TP73: variants seen among roughly 807,000 people sequenced by gnomAD.
The protein encoded by TP73 is p53-like transcription factor.
In TP73, 25 loss-of-function variants were observed where a neutral mutation model predicts 62.5. The ratio of observed to expected loss-of-function variants is 0.40; its 90% CI spans 0.29 to 0.56. TP73 has a LOEUF of 0.56. TP73 is among the 20% of genes least tolerant of loss of function. TP73 has a pLI of 0.46. For missense variants in TP73, 754 were observed against 913.3 expected, an observed-to-expected ratio of 0.83 and a Z score of 2.25; for synonymous variants, 423 against 377.5, an observed-to-expected ratio of 1.12 and a Z score of -1.40.
rs572224545 is a variant in TP73, at chr1:3,716,216, C to T, written c.430-5805C>T. Reference sequence around the variant, plus strand: ...TGCCTCTGGTTCATCCTCCATAGAGCTCCTGGCCTGGGAGCCCCGGCTGGC... The same window carrying T: ...TGCCTCTGGTTCATCCTCCATAGAGTTCCTGGCCTGGGAGCCCCGGCTGGC... On this transcript the variant is annotated intron_variant, in intron 4 of 13. Coordinates refer to ENST00000378295, the MANE Select transcript of TP73 (RefSeq NM_005427.4). Among the ~76,000 whole-genome samples the T allele has an allele frequency of 3.9e-5, 6 of 152,356 alleles. No individual in the cohort carries two copies. In the South Asian group the frequency reaches 1.2e-3, roughly 32 times the overall value.
chr1:3,691,078 G>A, intron 3 of TP73: 1 of 1,336,890 alleles, frequency 7.5e-7, no homozygotes, highest in East Asian at 2.5e-5. Flanking sequence ...GGTGAGCAGA[G>A]GTAGGAAGGG....
chr1:3,701,661 C>T lies in TP73; in HGVS notation c.187-5888C>T, dbSNP rs747451903. On this transcript the variant is annotated intron_variant, in intron 3 of 13. Coordinates refer to ENST00000378295, the MANE Select transcript of TP73 (RefSeq NM_005427.4). The surrounding 1 kb of genome is among the most constrained non-coding windows in gnomAD (Gnocchi z 4.7). ...CTGGGATTACAGGTGCCCACCACCACGCCCAGCTAATTTTTTTTTGTAGTT... is the reference window on the plus strand; with the variant it reads ...CTGGGATTACAGGTGCCCACCACCATGCCCAGCTAATTTTTTTTTGTAGTT... Among the ~76,000 whole-genome samples the T allele has an allele frequency of 3.3e-5, 5 of 150,446 alleles. No homozygotes were observed. The highest frequency in any genetic ancestry group is 2.1e-4 in the South Asian group (1 of 4,816).
chr1:3,682,998 G>A, intron 2 of TP73, 62 bp from the exon 3 acceptor site: 1 of 1,551,198 alleles, frequency 6.4e-7, no homozygotes, highest in African/African-American at 1.3e-5. Flanking sequence ...CTGGGCCTGG[G>A]AGGTATTGGG....
chr1:3,727,512 GT>G, intron 7 of TP73, 115 bp from the exon 8 acceptor site: 1 of 1,427,790 alleles, frequency 7.0e-7, no homozygotes. Flanking sequence ...TGGGTGCTCT[GT>G]GGTGACCGAG....
rs375160757 is a variant in TP73 at position 3,698,573 on chromosome 1, G to T, written c.187-8976G>T. Among the ~76,000 whole-genome samples, 6 of 152,310 alleles carry T rather than the reference G, an allele frequency of 3.9e-5. No homozygotes were observed. The South Asian group carries it at 8.3e-4, about 21-fold the overall frequency. On this transcript the variant is annotated intron_variant, in intron 3 of 13. Transcript: ENST00000378295. ...GGCTTTGAGCGGGATCCGGGAGGCAGGGGGCAGAAGCTGAGGGACGTGGAG... is the reference window on the plus strand; with the variant it reads ...GGCTTTGAGCGGGATCCGGGAGGCATGGGGCAGAAGCTGAGGGACGTGGAG...
intron 8 of TP73, 116 bp downstream of exon 8, chr1:3,727,886 G>A (rs541757352): frequency 7.2e-6 from 10 of 1,393,948 alleles, no homozygotes; most frequent in East Asian, 2.5e-5. Flanking sequence ...GGCCCCCCAC[G>A]CCCAGACTCC....
intron 6 of TP73, 63 bp downstream of exon 6, chr1:3,723,532 T>A: frequency 8.1e-6 from 6 of 738,812 alleles, no homozygotes; most frequent in African/African-American, 1.8e-5. Flanking sequence ...GGGGGAGGGG[T>A]CCCCTGAGGC....
chr1:3,720,905 C>T (rs1033420186), intron 4 of TP73, among the ~76,000 whole-genome samples: 16 of 152,238 alleles, frequency 1.1e-4, no homozygotes, highest in African/African-American at 2.9e-4. Context: ...CGGTGGAGTG[C>T]GATGGGACAT....
rs946140915 is a variant in TP73 at position 3,662,842 on chromosome 1, C to T, written c.-34+10201C>T. Reference sequence around the variant, plus strand: ...CCCCAGGACAGACCTGGCTGGGGAGCGCAGGGAGGGGTCCCCAGTGTGAGG... The same window carrying T: ...CCCCAGGACAGACCTGGCTGGGGAGTGCAGGGAGGGGTCCCCAGTGTGAGG... On this transcript the variant is annotated intron_variant, in intron 1 of 13. Transcript: ENST00000378295. This position sits in a 1 kb window ranked among gnomAD's most constrained non-coding sequence, Gnocchi z 4.4. Among the ~76,000 whole-genome samples, 3 of 152,246 alleles carry T rather than the reference C, an allele frequency of 2.0e-5. No homozygotes were observed. The highest frequency in any genetic ancestry group is 4.4e-5 in the Non-Finnish European group (3 of 68,006).
At chr1:3,707,188 C>T (rs1009371243) in intron 3 of TP73, among the ~76,000 whole-genome samples, 1 of 152,170 alleles carries the variant, frequency 6.6e-6, no homozygotes, top group Non-Finnish European at 1.5e-5. Flanking sequence ...CTGTGAGGTC[C>T]AGACCCCGAT....
chr1:3,702,996 C>T (rs992742521), intron 3 of TP73, among the ~76,000 whole-genome samples: 4 of 152,192 alleles, frequency 2.6e-5, no homozygotes, highest in Middle Eastern at 3.2e-3. Context: ...AGCTCCTTGC[C>T]GCCAGGCAGG....
chr1:3,712,438 C>A (rs1470838880), intron 4 of TP73: 1 of 152,158 alleles, frequency 6.6e-6, no homozygotes, highest in African/African-American at 2.4e-5. Context: ...ACTCTTGGGC[C>A]CTGGAGGTCA....
At position 3,729,451 on chromosome 1, in the gene TP73, G is replaced by A. The variant is rs2124533508; in HGVS notation, c.1196+3G>A. On this transcript the variant is annotated splice_donor_region_variant and intron_variant, in intron 10 of 13. Transcript: ENST00000378295. ...CAGCAGCAGCTCCTACAGAGGCCGT[G>A]AGTCAGCCCTAGCCCACCATCAGTG... 6.2e-7 allele frequency: 1 copy of A among 1,612,636 alleles called. No homozygotes were observed. Among genetic ancestry groups the A allele is most frequent in the Non-Finnish European group, 8.5e-7 (1 of 1,179,968 alleles).
intron 3 of TP73, among the ~76,000 whole-genome samples, chr1:3,684,490 T>G (rs1189556630): frequency 2.0e-5 from 3 of 151,964 alleles, no homozygotes; most frequent in African/African-American, 7.2e-5. Context: ...GTCTGAGGCA[T>G]GGGGGTGGGC....
rs1570374471 is a variant in TP73, at chr1:3,666,221, A to G, written c.-34+13580A>G. 1.3e-5 allele frequency among the ~76,000 whole-genome samples: 2 copies of G among 149,140 alleles called. No individual in the cohort carries two copies. Among genetic ancestry groups the G allele is most frequent in the Non-Finnish European group, 3.0e-5 (2 of 67,434 alleles). On this transcript the variant is annotated intron_variant, in intron 1 of 13. Coordinates refer to ENST00000378295, the MANE Select transcript of TP73 (RefSeq NM_005427.4). The surrounding 1 kb of genome is among the most constrained non-coding windows in gnomAD (Gnocchi z 6.4). ...TGCAGTGGTGCAGTCACAGCTGACC[A>G]CAGCCTCCAACTGCTGGGCTCAGGC...
intron 6 of TP73, among the ~76,000 whole-genome samples, chr1:3,725,784 ATG>A: frequency 1.7e-5 from 1 of 58,648 alleles, no homozygotes; most frequent in African/African-American, 7.1e-5. Context: ...GGATGGATGG[ATG>A]GATAGGATGA....
chr1:3,687,144 C>T (rs1645678939), intron 3 of TP73, among the ~76,000 whole-genome samples: 2 of 152,170 alleles, frequency 1.3e-5, no homozygotes, highest in Admixed American at 6.5e-5. Flanking sequence ...CTACATGGCT[C>T]ACAGGGACCT....
intron 3 of TP73, 47 bp downstream of exon 3, chr1:3,683,227 C>T: frequency 6.4e-7 from 1 of 1,561,976 alleles, no homozygotes; most frequent in Middle Eastern, 1.7e-4. Flanking sequence ...GTGGGGACAA[C>T]AAATGTGGCC....
chr1:3,682,251 C>G (rs1645541603), intron 1 of TP73, 82 bp from the exon 2 acceptor site: 1 of 1,131,192 alleles, frequency 8.8e-7, no homozygotes, highest in Non-Finnish European at 1.2e-6. Flanking sequence ...GCCCACTTGC[C>G]TGCCGCCCCC....
Sources: allele counts gnomAD v4.1 joint callset (sites outside exome capture counted in the v4.1 genomes callset), GRCh38; gene constraint gnomAD v4.1.1; non-coding constraint Gnocchi (gnomAD v3.1); transcripts MANE v1.5; gene names NCBI Gene and HGNC (gene_info 2026-07-23, HGNC 2026-07-21).